Variants in ZNF469 observed in about 807,000 individuals in gnomAD.
ZNF469 encodes zinc finger protein 469.
A neutral mutation model predicts 1.0 loss-of-function variants in ZNF469; 1 was observed. That is an observed-to-expected ratio of 1.00 (90% CI 0.35 to 4.73). ZNF469 has a LOEUF of 4.73. ZNF469 is among the 30% of genes most tolerant of loss of function. The pLI is 0.16. For missense variants in ZNF469, 6,100 were observed against 5,356.3 expected (o/e 1.14, Z -4.33); for synonymous variants, 2,703 against 2,363.4 (o/e 1.14, Z -4.17).
chr16:88,198,999 C>G, the ZNF469 span, among the ~76,000 whole-genome samples: 2 of 152,188 alleles, frequency 1.3e-5, no homozygotes, highest in African/African-American at 4.8e-5. Flanking sequence ...TTGGGGTCTT[C>G]TGGGCTCTGC....
At chr16:88,378,436 C>T (rs992232094), upstream of ZNF469, among the ~76,000 whole-genome samples, 1 of 152,214 alleles carries the variant, frequency 6.6e-6, no homozygotes, top group Non-Finnish European at 1.5e-5. Context: ...GTCCTCTGTG[C>T]TTGCACGCAT....
At chr16:88,301,304 G>A in the ZNF469 span, among the ~76,000 whole-genome samples, 2 of 151,960 alleles carry the variant, frequency 1.3e-5, no homozygotes, top group Admixed American at 6.6e-5. Flanking sequence ...ACAGGTGCCC[G>A]CTACCACGCC....
At chr16:88,245,927 G>A in the ZNF469 span, among the ~76,000 whole-genome samples, 21 of 152,188 alleles carry the variant, frequency 1.4e-4, no homozygotes, top group Admixed American at 1.2e-3. Context: ...TACATAGCCC[G>A]GGGACATCCT....
the ZNF469 span, among the ~76,000 whole-genome samples, chr16:88,139,160 G>A: frequency 4.5e-3 from 624 of 137,180 alleles, 12 homozygotes; most frequent in Admixed American, 0.026. Flanking sequence ...CGTCAGAGCA[G>A]AGACTGCTCT....
At chr16:88,212,235 G>A in the ZNF469 span, among the ~76,000 whole-genome samples, 3 of 152,170 alleles carry the variant, frequency 2.0e-5, no homozygotes, top group Non-Finnish European at 4.4e-5. Context: ...GTTCCAAACG[G>A]ATTGCCCCAG....
the ZNF469 span, among the ~76,000 whole-genome samples, chr16:88,347,706 A>C: frequency 2.0e-5 from 3 of 152,146 alleles, no homozygotes; most frequent in Non-Finnish European, 4.4e-5. Flanking sequence ...AAGAACCTGC[A>C]CCTCACCCCT....
intron 1 of ZNF469, among the ~76,000 whole-genome samples, chr16:88,383,574 G>A (rs1348197085): frequency 6.6e-6 from 1 of 150,492 alleles, no homozygotes. Context: ...CCCGGGCAAC[G>A]TACTGGCGAG....
At chr16:88,366,873 C>A in the ZNF469 span, among the ~76,000 whole-genome samples, 1 of 151,964 alleles carries the variant, frequency 6.6e-6, no homozygotes, top group Non-Finnish European at 1.5e-5. Flanking sequence ...AACACCATCA[C>A]CACCACCATC....
At chr16:88,422,497 G>C (rs539269819) in intron 1 of ZNF469, among the ~76,000 whole-genome samples, 2 of 145,344 alleles carry the variant, frequency 1.4e-5, no homozygotes, top group African/African-American at 5.1e-5. Context: ...ATAGATGGGT[G>C]AGTGATGGGT....
chr16:88,200,270 G>A, the ZNF469 span, among the ~76,000 whole-genome samples: 1 of 152,234 alleles, frequency 6.6e-6, no homozygotes, highest in African/African-American at 2.4e-5. Flanking sequence ...GAAAGGGCTA[G>A]CCTGTGCCCA....
At chr16:88,132,197 A>G in the ZNF469 span, among the ~76,000 whole-genome samples, 5,039 of 151,686 alleles carry the variant, frequency 0.033, no homozygotes, top group African/African-American at 0.11. Flanking sequence ...CCAGGCCCCC[A>G]CCCCTACCCA....
At chr16:88,239,661 T>A in the ZNF469 span, among the ~76,000 whole-genome samples, 7 of 106,154 alleles carry the variant, frequency 6.6e-5, no homozygotes, top group African/African-American at 2.5e-4. Context: ...CTTATTTTTT[T>A]TTTTTGTATA....
At chr16:88,374,869 GGCCCCA>G in the ZNF469 span, among the ~76,000 whole-genome samples, 1 of 152,230 alleles carries the variant, frequency 6.6e-6, no homozygotes, top group Non-Finnish European at 1.5e-5. Context: ...CGGTGATGCA[GGCCCCA>G]GCACAGCTCA....
the ZNF469 span, among the ~76,000 whole-genome samples, chr16:88,229,449 G>T: frequency 3.2e-4 from 48 of 152,360 alleles, no homozygotes; most frequent in African/African-American, 1.1e-3. Flanking sequence ...CTTGTTTTCC[G>T]TTCCTGCCAA....
chr16:88,389,715 A>C (rs1345043615), intron 1 of ZNF469, among the ~76,000 whole-genome samples: 2 of 152,178 alleles, frequency 1.3e-5, no homozygotes, highest in Non-Finnish European at 2.9e-5. Context: ...GCCAGGATTC[A>C]AACTGGGAAT....
the ZNF469 span, among the ~76,000 whole-genome samples, chr16:88,110,253 G>A: frequency 3.3e-5 from 5 of 152,324 alleles, no homozygotes; most frequent in East Asian, 7.7e-4. Flanking sequence ...CCGGGGGGCC[G>A]CCTCCTGGGC....
chr16:88,234,543 C>T, the ZNF469 span, among the ~76,000 whole-genome samples: 6 of 152,334 alleles, frequency 3.9e-5, no homozygotes, highest in Middle Eastern at 3.4e-3. Context: ...AGCCTCGCAG[C>T]GCGGACCAGG....
Position 88,427,494 on chromosome 16 carries a change from A to C in ZNF469, c.24A>C (p.Gly8=). The C allele has an allele frequency of 6.6e-7, 1 of 1,526,060 alleles. No homozygotes were observed. Among genetic ancestry groups the C allele is most frequent in the Non-Finnish European group, 8.8e-7 (1 of 1,140,090 alleles). The allele number at this position is 1,526,060 out of a possible 1,614,324, so 94.5% of individuals were successfully genotyped here. MPGERPR[G]APPPTMTGDL... ...CCATGCCTGGGGAGCGCCCCCGAGG[A>C]GCGCCGCCCCCCACCATGACTGGAG... The change falls in exon 3 of 3, where the codon GGA becomes GGC. Residue 8 remains glycine (G), a synonymous_variant. Coordinates refer to ENST00000565624, the MANE Select transcript of ZNF469 (RefSeq NM_001367624.2).
the ZNF469 span, among the ~76,000 whole-genome samples, chr16:88,137,141 C>T: frequency 0.016 from 2,401 of 152,234 alleles, 68 homozygotes; most frequent in African/African-American, 0.055. Context: ...TACAACCGTG[C>T]ATGCAATAAC....
Sources: allele counts gnomAD v4.1 joint callset (sites outside exome capture counted in the v4.1 genomes callset), GRCh38; gene constraint gnomAD v4.1.1; transcripts MANE v1.5; gene names NCBI Gene and HGNC (gene_info 2026-07-23, HGNC 2026-07-21).